CELA2A: variants seen among roughly 807,000 people sequenced by gnomAD.
The protein encoded by CELA2A is chymotrypsin-like elastase family member 2A.
A neutral mutation model predicts 35.3 loss-of-function variants in CELA2A; 31 were observed. The ratio of observed to expected loss-of-function variants is 0.88; its 90% CI spans 0.66 to 1.19. The LOEUF (loss-of-function observed/expected upper bound fraction) is 1.19. Ranked by LOEUF, CELA2A falls within the 50% of genes most tolerant of loss-of-function variation. The pLI is 0.00. For synonymous variants in CELA2A, 150 were observed against 149.8 expected, an observed-to-expected ratio of 1.00 and a Z score of -0.01; for missense variants, 330 against 352.9, an observed-to-expected ratio of 0.94 and a Z score of 0.52.
In CELA2A at chr1:15,458,214, C is replaced by T. The variant is rs183633971; in HGVS notation, c.129+1040C>T. On this transcript the variant is annotated intron_variant, in intron 2 of 7. Transcript: ENST00000359621. ...ATGCCCCATATCTTATCTACAAACC[C>T]GTTTCTTTAAAGCAGAGCAGTAACT... 2.9e-3 allele frequency among the ~76,000 whole-genome samples: 446 copies of T among 152,188 alleles called. 2 individuals are homozygous for T. Among genetic ancestry groups the T allele is most frequent in the Middle Eastern group, 0.01 (3 of 294 alleles).
At chr1:15,469,524 G>A (rs1172205775) in intron 7 of CELA2A, among the ~76,000 whole-genome samples, 1 of 152,160 alleles carries the variant, frequency 6.6e-6, no homozygotes, top group Admixed American at 6.5e-5. Context: ...GTGGTCACAG[G>A]AGGAAAACTA....
intron 7 of CELA2A, 92 bp from the exon 8 acceptor site, chr1:15,471,898 G>T: frequency 6.6e-7 from 1 of 1,519,692 alleles, no homozygotes. Flanking sequence ...TAACTCACAT[G>T]AGTAGCTTAG....
At chr1:15,468,976 G>A (rs979130112) in intron 7 of CELA2A, among the ~76,000 whole-genome samples, 2 of 152,116 alleles carry the variant, frequency 1.3e-5, no homozygotes, top group Non-Finnish European at 2.9e-5. Context: ...TCAGGAGTTC[G>A]AGACCAGCCT....
In CELA2A at chr1:15,467,423, A is replaced by C. The variant is rs1570800910; in HGVS notation, c.677A>C (p.Asp226Ala). 6.2e-7 allele frequency: 1 copy of C among 1,613,914 alleles called. No individual in the cohort carries two copies. Among genetic ancestry groups the C allele is most frequent in the South Asian group, 1.1e-5 (1 of 91,086 alleles). ...SGGPLNCQAS[D>A]GRWQVHGIVS... ...GGGCCACTGAACTGTCAGGCGTCTG[A>C]CGGCCGGTGGCAGGTGCACGGCATC... Residue 226 changes from aspartate (D) to alanine (A), a missense_variant, in exon 7 of 8, where the codon GAC becomes GCC. Asp to Ala is a moderately radical substitution (Grantham distance 126, BLOSUM62 -2). Coordinates refer to ENST00000359621, the MANE Select transcript of CELA2A (RefSeq NM_033440.3).
Position 15,461,504 on chromosome 1 carries a change from T to C in CELA2A, c.130-57T>C, listed in dbSNP as rs1387979516. On this transcript the variant is annotated intron_variant, in intron 2 of 7. Coordinates refer to ENST00000359621, the MANE Select transcript of CELA2A (RefSeq NM_033440.3). ...CAGCCCCGTTCTTGGGAAACTGGAG[T>C]GCAGGGAGGCCCTGCTCTTTCAAAC... 3.9e-5 allele frequency: 61 copies of C among 1,582,086 alleles called. 1 individual carries two copies. The South Asian group carries it at 6.2e-4, about 16-fold the overall frequency.
At chr1:15,463,119 G>A in intron 4 of CELA2A, 1 of 714,220 alleles carries the variant, frequency 1.4e-6, no homozygotes, top group Non-Finnish European at 2.3e-6. Flanking sequence ...TGTCCGCTGA[G>A]CATGTATCTA....
chr1:15,471,928 G>A, intron 7 of CELA2A, 62 bp from the exon 8 acceptor site: 1 of 1,609,370 alleles, frequency 6.2e-7, no homozygotes, highest in Non-Finnish European at 8.5e-7. Context: ...ACAGAGACAG[G>A]AAACTGCCAT....
In CELA2A at chr1:15,461,393, GT is replaced by G. The variant is rs200360396; in HGVS notation, c.130-162del. ...TTTTTCATGTAGATTGCATTAACAC[GT>G]TTTTTATCTTGATGGCTGAGGTTTT... On this transcript the variant is annotated intron_variant, in intron 2 of 7. Coordinates refer to ENST00000359621, the MANE Select transcript of CELA2A (RefSeq NM_033440.3). 6.1e-3 allele frequency among the ~76,000 whole-genome samples: 931 copies of G among 152,290 alleles called. 9 individuals carry two copies. Among genetic ancestry groups the G allele is most frequent in the Middle Eastern group, 0.048 (14 of 294 alleles).
intron 2 of CELA2A, chr1:15,457,588 C>T: frequency 6.5e-6 from 1 of 152,914 alleles, no homozygotes; most frequent in Non-Finnish European, 1.4e-5. Flanking sequence ...CCAGCCTGGG[C>T]AACAAAGCAA....
chr1:15,461,372 T>C (rs1413507646), intron 2 of CELA2A, among the ~76,000 whole-genome samples, 189 bp from the exon 3 acceptor site: 4 of 152,194 alleles, frequency 2.6e-5, no homozygotes, highest in African/African-American at 9.6e-5. Flanking sequence ...TGATTGTTTT[T>C]CATGTAGATT....
At chr1:15,470,676 G>T (rs1708578473) in intron 7 of CELA2A, among the ~76,000 whole-genome samples, 1 of 152,138 alleles carries the variant, frequency 6.6e-6, no homozygotes, top group Non-Finnish European at 1.5e-5. Context: ...CACCTCCCGG[G>T]TTCAAGCGAT....
chr1:15,463,285 AAC>A lies in CELA2A; in HGVS notation c.357-99_357-98del, dbSNP rs1708465091. ...CCTGCCAGTCAGAGCAACCTGGGGT[AAC>A]AGGGTACAGGGAAGATGACAAGGTC... On this transcript the variant is annotated intron_variant, in intron 4 of 7. Coordinates refer to ENST00000359621, the MANE Select transcript of CELA2A (RefSeq NM_033440.3). The A allele has an allele frequency of 8.3e-6, 13 of 1,557,744 alleles. 1 individual carries two copies. In the South Asian group the frequency reaches 1.6e-4, roughly 19 times the overall value.
Position 15,465,835 on chromosome 1 carries a change from A to C in CELA2A, c.494-164A>C, listed in dbSNP as rs550458187. The C allele has an allele frequency of 6.0e-4, 460 of 771,268 alleles. 1 individual carries two copies. The highest frequency in any genetic ancestry group is 8.8e-4 in the Non-Finnish European group (414 of 471,762). The allele number at this position is 771,268 out of a possible 1,614,324, so 47.8% of individuals were successfully genotyped here. ...TTGGCTTAGCTTGAGTCAGGTGTTC[A>C]CTGCTGAACCAATCAACCGTGAGGA... On this transcript the variant is annotated intron_variant, in intron 5 of 7. Coordinates refer to ENST00000359621, the MANE Select transcript of CELA2A (RefSeq NM_033440.3).
chr1:15,467,397 C>T lies in CELA2A; in HGVS notation c.651C>T (p.Gly217=), dbSNP rs563119767. Residue 217 remains glycine, a synonymous_variant, in exon 7 of 8, where the codon GGC becomes GGT. Transcript: ENST00000359621. ...CTGGCCTTCCTCAGGGAGACTCTGG[C>T]GGGCCACTGAACTGTCAGGCGTCTG... is the stretch of plus-strand genomic sequence containing the variant. ...GVISSCNGDS[G]GPLNCQASDG... The T allele has an allele frequency of 1.4e-5, 23 of 1,613,284 alleles. No individual in the cohort carries two copies. The highest frequency in any genetic ancestry group is 4.5e-5 in the East Asian group (2 of 44,884).
intron 5 of CELA2A, 143 bp downstream of exon 5, chr1:15,463,665 T>C: frequency 7.8e-7 from 1 of 1,285,476 alleles, no homozygotes; most frequent in Non-Finnish European, 1.1e-6. Context: ...GACGCCTGCC[T>C]GGGATCAAAT....
In CELA2A at chr1:15,467,510, T is replaced by A; in HGVS notation, c.764T>A (p.Val255Asp). 1 of 1,614,004 alleles carries A rather than the reference T, an allele frequency of 6.2e-7. No individual in the cohort carries two copies. Among genetic ancestry groups the A allele is most frequent in the Non-Finnish European group, 8.5e-7 (1 of 1,180,026 alleles). Residue 255 changes from valine to aspartate, a missense_variant, in exon 7 of 8, where the codon GTC (valine) becomes GAC (aspartate). Val to Asp is a radical substitution (Grantham distance 152). Coordinates refer to ENST00000359621, the MANE Select transcript of CELA2A (RefSeq NM_033440.3). ...YYHKPSVFTR[V>D]SNYIDWINSV... Reference sequence around the variant, plus strand: ...CACAAGCCCTCCGTCTTCACGCGGGTCTCCAATTACATCGACTGGATCAAT... The same window carrying A: ...CACAAGCCCTCCGTCTTCACGCGGGACTCCAATTACATCGACTGGATCAAT...
intron 2 of CELA2A, among the ~76,000 whole-genome samples, chr1:15,458,399 T>C (rs1489250052): frequency 6.6e-6 from 1 of 152,202 alleles, no homozygotes; most frequent in Non-Finnish European, 1.5e-5. Context: ...CTTTCTGAAC[T>C]CATATTTCAT....
intron 5 of CELA2A, among the ~76,000 whole-genome samples, chr1:15,465,518 G>A (rs1708504171): frequency 6.6e-6 from 1 of 152,090 alleles, no homozygotes; most frequent in South Asian, 2.1e-4. Flanking sequence ...TCAGATAAGT[G>A]ACAGAAAGCC....
chr1:15,464,009 G>A (rs968974726), intron 5 of CELA2A, among the ~76,000 whole-genome samples: 10 of 152,084 alleles, frequency 6.6e-5, no homozygotes, highest in South Asian at 2.1e-4. Context: ...CCAAGATTTC[G>A]CTACTGCACT....
Sources: allele counts gnomAD v4.1 joint callset (sites outside exome capture counted in the v4.1 genomes callset), GRCh38; gene constraint gnomAD v4.1.1; transcripts MANE v1.5; gene names NCBI Gene and HGNC (gene_info 2026-07-23, HGNC 2026-07-21).